AGBL4: variants seen among roughly 807,000 people sequenced by gnomAD.
AGBL4 encodes the protein cytosolic carboxypeptidase 6.
Under a neutral mutation model 66.4 loss-of-function variants are expected in AGBL4, and 58 were observed. That is an observed-to-expected ratio of 0.87 (90% CI 0.71 to 1.09). The LOEUF is 1.09. Ranked by LOEUF, AGBL4 falls within the 50% of genes least tolerant of loss-of-function variation. The pLI is 0.00. For synonymous variants in AGBL4, 234 were observed against 222.9 expected (o/e 1.05, Z -0.44); for missense variants, 579 against 631.0 (o/e 0.92, Z 0.88).
At chr1:49,355,285 T>C (rs1643996542) in intron 3 of AGBL4, among the ~76,000 whole-genome samples, 1 of 152,220 alleles carries the variant, frequency 6.6e-6, no homozygotes, top group South Asian at 2.1e-4. Context: ...TCTAGTATTA[T>C]AAATATTAGC....
chr1:49,880,832 TC>T (rs978884938), intron 1 of AGBL4, among the ~76,000 whole-genome samples: 1 of 151,666 alleles, frequency 6.6e-6, no homozygotes, highest in African/African-American at 2.4e-5. Context: ...CGTAGGGCCC[TC>T]CGAGCCAGGT....
intron 3 of AGBL4, among the ~76,000 whole-genome samples, chr1:49,357,663 G>A (rs1295104431): frequency 6.6e-6 from 1 of 152,104 alleles, no homozygotes; most frequent in African/African-American, 2.4e-5. Context: ...ATTACTAAGG[G>A]CAAGGAATTT....
chr1:48,993,913 A>T (rs1041390388), intron 5 of AGBL4, among the ~76,000 whole-genome samples: 4 of 152,206 alleles, frequency 2.6e-5, no homozygotes, highest in African/African-American at 9.7e-5. Context: ...TATTCTCTTC[A>T]GTTCCTCTAT....
At chr1:48,718,204 C>A (rs759848074) in intron 6 of AGBL4, among the ~76,000 whole-genome samples, 2 of 152,188 alleles carry the variant, frequency 1.3e-5, no homozygotes, top group African/African-American at 4.8e-5. Flanking sequence ...TTTGATTGGC[C>A]AACACTGGAA....
intron 6 of AGBL4, chr1:48,759,478 G>T: frequency 8.9e-7 from 1 of 1,127,324 alleles, no homozygotes; most frequent in Non-Finnish European, 1.2e-6. Context: ...TATAAATGGG[G>T]TTCCGAGTGG....
chr1:49,094,802 C>T (rs1425823480), intron 4 of AGBL4, among the ~76,000 whole-genome samples: 2 of 152,154 alleles, frequency 1.3e-5, no homozygotes, highest in African/African-American at 2.4e-5. Flanking sequence ...TCTCTTACCA[C>T]TCCTATTCAA....
chr1:49,588,212 G>A (rs1644687183), intron 3 of AGBL4, among the ~76,000 whole-genome samples: 2 of 152,090 alleles, frequency 1.3e-5, no homozygotes, highest in African/African-American at 4.8e-5. Flanking sequence ...GTTTCTCATG[G>A]CAATGCTTCC....
chr1:49,870,354 TTAA>T (rs1308574434), intron 1 of AGBL4, among the ~76,000 whole-genome samples: 2 of 152,034 alleles, frequency 1.3e-5, no homozygotes, highest in Non-Finnish European at 2.9e-5. Context: ...TGTACAATAC[TTAA>T]TAAAAATATT....
At chr1:48,819,542 G>C (rs1646264116) in intron 6 of AGBL4, among the ~76,000 whole-genome samples, 1 of 152,166 alleles carries the variant, frequency 6.6e-6, no homozygotes, top group Non-Finnish European at 1.5e-5. Context: ...ATTTGTGGGG[G>C]ATACAGATAC....
rs149324893 is a variant in AGBL4, at chr1:48,853,890, C to A, written c.634+13301G>T. Among the ~76,000 whole-genome samples the A allele has an allele frequency of 9.3e-4, 141 of 152,228 alleles. 1 individual carries two copies. Among genetic ancestry groups the A allele is most frequent in the Admixed American group, 6.2e-3 (95 of 15,292 alleles). ...ACCTTCAGCCTGTGGATTTAGACCT[C>A]CATCCCTGAACCAATGAGAACCAGC... On this transcript the variant is annotated intron_variant, in intron 6 of 13. Transcript: ENST00000371839.
At chr1:49,958,019 A>C (rs1250844416) in intron 1 of AGBL4, among the ~76,000 whole-genome samples, 3 of 152,016 alleles carry the variant, frequency 2.0e-5, no homozygotes, top group African/African-American at 7.2e-5. Context: ...TTCCATGTTT[A>C]GTGCTTCCTT....
chr1:49,797,189 T>G (rs1283344920), intron 2 of AGBL4, among the ~76,000 whole-genome samples: 1 of 152,158 alleles, frequency 6.6e-6, no homozygotes, highest in Non-Finnish European at 1.5e-5. Context: ...ATTTTAAGAA[T>G]TAATTAAATT....
intron 4 of AGBL4, among the ~76,000 whole-genome samples, chr1:49,156,933 C>A (rs1183051335): frequency 6.6e-6 from 1 of 152,008 alleles, no homozygotes; most frequent in Non-Finnish European, 1.5e-5. Context: ...AACATTCAGG[C>A]AAACATACTT....
chr1:48,624,602 A>G (rs960215556), intron 9 of AGBL4, among the ~76,000 whole-genome samples: 2 of 152,186 alleles, frequency 1.3e-5, no homozygotes, highest in African/African-American at 4.8e-5. Context: ...TTGATCAGTC[A>G]ACTGCTCAAG....
intron 4 of AGBL4, among the ~76,000 whole-genome samples, chr1:49,065,021 C>A (rs1037289206): frequency 1.2e-4 from 18 of 152,108 alleles, no homozygotes; most frequent in African/African-American, 4.3e-4. Context: ...AATTTCAGGT[C>A]ATATTATAAC....
intron 4 of AGBL4, among the ~76,000 whole-genome samples, chr1:49,208,536 C>A (rs1557730822): frequency 6.6e-6 from 1 of 151,930 alleles, no homozygotes; most frequent in Non-Finnish European, 1.5e-5. Context: ...AGGAGTTTAC[C>A]ACAGCTGCCC....
At chr1:49,017,132 G>A (rs1325454515) in intron 5 of AGBL4, among the ~76,000 whole-genome samples, 2 of 152,180 alleles carry the variant, frequency 1.3e-5, no homozygotes, top group Admixed American at 1.3e-4. Context: ...GCTACCTCTG[G>A]AAGTCTGGTA....
At chr1:49,300,045 A>G (rs905627915) in intron 3 of AGBL4, among the ~76,000 whole-genome samples, 1 of 152,168 alleles carries the variant, frequency 6.6e-6, no homozygotes, top group Non-Finnish European at 1.5e-5. Flanking sequence ...TTTCTATATT[A>G]TTGAAAGATA....
chr1:49,847,870 T>A (rs1646194664), intron 2 of AGBL4, among the ~76,000 whole-genome samples: 1 of 152,060 alleles, frequency 6.6e-6, no homozygotes, highest in African/African-American at 2.4e-5. Context: ...CCCGACTAAT[T>A]TTTTGTATTT....
Sources: allele counts gnomAD v4.1 joint callset (sites outside exome capture counted in the v4.1 genomes callset), GRCh38; gene constraint gnomAD v4.1.1; transcripts MANE v1.5; gene names NCBI Gene and HGNC (gene_info 2026-07-23, HGNC 2026-07-21).